Variants in MACROD2 observed in about 807,000 individuals in gnomAD.
MACROD2 encodes the protein ADP-ribose glycohydrolase MACROD2.
MACROD2 carries 36 observed loss-of-function variants against 70.4 expected under a neutral mutation model. The observed-to-expected ratio is 0.51, with a 90% CI of 0.39 to 0.68. The LOEUF is 0.68. Among genes scored for constraint, MACROD2 ranks in the 30% least tolerant of loss-of-function variants. MACROD2 has a pLI of 0.00. For missense variants in MACROD2, 496 were observed against 538.4 expected (o/e 0.92, Z 0.78); for synonymous variants, 172 against 178.8 (o/e 0.96, Z 0.30).
At chr20:15,527,636 C>G (rs139211465) in intron 8 of MACROD2, among the ~76,000 whole-genome samples, 214 of 152,258 alleles carry the variant, frequency 1.4e-3, no homozygotes, top group African/African-American at 4.8e-3. Context: ...ATCTGATCAT[C>G]AGTGTAAGGC....
chr20:15,987,082 A>G lies in MACROD2; in HGVS notation c.1077A>G (p.Gln359=). The change falls in exon 15 of 18, where the codon CAA becomes CAG. Residue 359 remains glutamine, a synonymous_variant. Coordinates refer to ENST00000684519, the MANE Select transcript of MACROD2 (RefSeq NM_001351661.2). ...YMETEELSSN[Q]EDAVIVEQPE... The stretch of plus-strand genomic sequence containing the variant: ...TCTATTTAGAACTTTCATCAAACCA[A>G]GAAGATGCCGTGATTGTGGAGCAAC... The G allele has an allele frequency of 6.2e-7, 1 of 1,609,548 alleles. No individual in the cohort carries two copies. Among genetic ancestry groups the G allele is most frequent in the South Asian group, 1.1e-5 (1 of 89,854 alleles).
At chr20:14,712,937 A>T (rs1488199327) in intron 5 of MACROD2, among the ~76,000 whole-genome samples, 1 of 152,110 alleles carries the variant, frequency 6.6e-6, no homozygotes, top group African/African-American at 2.4e-5. Flanking sequence ...GTGGGTATAT[A>T]TTTTTTTCAA....
intron 5 of MACROD2, among the ~76,000 whole-genome samples, chr20:14,742,779 T>A (rs148978043): frequency 0.014 from 2,085 of 151,654 alleles, 49 homozygotes; most frequent in African/African-American, 0.047. Flanking sequence ...TTTTATTTTT[T>A]TTTTTGAGAT....
At chr20:14,590,363 T>C (rs1461515513) in intron 4 of MACROD2, among the ~76,000 whole-genome samples, 1 of 152,128 alleles carries the variant, frequency 6.6e-6, no homozygotes, top group Non-Finnish European at 1.5e-5. Context: ...CTAGGTAAGG[T>C]GGTAGGCAGA....
intron 5 of MACROD2, among the ~76,000 whole-genome samples, chr20:14,845,872 G>A (rs541272797): frequency 6.6e-6 from 1 of 152,098 alleles, no homozygotes; most frequent in East Asian, 1.9e-4. Context: ...CCCCCAAACG[G>A]CATTTTTTAG....
intron 4 of MACROD2, among the ~76,000 whole-genome samples, chr20:14,573,573 A>G (rs1224592203): frequency 9.2e-6 from 1 of 108,758 alleles, no homozygotes; most frequent in African/African-American, 2.7e-5. Context: ...TAGAGAAAAG[A>G]TATTATTTTT....
intron 8 of MACROD2, among the ~76,000 whole-genome samples, chr20:15,807,282 C>T (rs1427446138): frequency 3.3e-5 from 5 of 152,046 alleles, no homozygotes; most frequent in Non-Finnish European, 7.4e-5. Flanking sequence ...ATTTTAGTGA[C>T]CAAAACATGG....
At chr20:15,655,565 C>T (rs2049717734) in intron 8 of MACROD2, among the ~76,000 whole-genome samples, 1 of 152,078 alleles carries the variant, frequency 6.6e-6, no homozygotes, top group South Asian at 2.1e-4. Flanking sequence ...TCACAGCCTG[C>T]CTTGCACTTT....
intron 5 of MACROD2, among the ~76,000 whole-genome samples, chr20:14,945,344 C>T (rs1330398457): frequency 6.6e-6 from 1 of 152,066 alleles, no homozygotes; most frequent in Non-Finnish European, 1.5e-5. Flanking sequence ...TCCCAAAGTG[C>T]TGCTGGGATT....
chr20:15,591,988 T>A (rs1450166144), intron 8 of MACROD2, among the ~76,000 whole-genome samples: 2 of 152,216 alleles, frequency 1.3e-5, no homozygotes, highest in Non-Finnish European at 2.9e-5. Flanking sequence ...TTATCAATTG[T>A]CACCTGTTGA....
intron 8 of MACROD2, among the ~76,000 whole-genome samples, chr20:15,800,388 T>A (rs907244429): frequency 6.6e-6 from 1 of 152,188 alleles, no homozygotes; most frequent in East Asian, 1.9e-4. Flanking sequence ...ATTTCCCCTA[T>A]GTTTTCTTCT....
chr20:15,555,399 A>G (rs536579076), intron 8 of MACROD2, among the ~76,000 whole-genome samples: 1 of 152,272 alleles, frequency 6.6e-6, no homozygotes, highest in South Asian at 2.1e-4. Context: ...TTACGGTTTT[A>G]TCAATACAGT....
chr20:14,868,350 G>A (rs1225415374), intron 5 of MACROD2, among the ~76,000 whole-genome samples: 2 of 151,788 alleles, frequency 1.3e-5, no homozygotes, highest in African/African-American at 4.8e-5. Context: ...ACCACACCTG[G>A]CTAATGTTTC....
chr20:15,290,351 T>C (rs1019903059), intron 6 of MACROD2, among the ~76,000 whole-genome samples: 1 of 152,202 alleles, frequency 6.6e-6, no homozygotes, highest in Non-Finnish European at 1.5e-5. Context: ...TTCTATATTC[T>C]GGCTTTTTTC....
intron 4 of MACROD2, among the ~76,000 whole-genome samples, chr20:14,500,709 C>T (rs2084906490): frequency 6.6e-6 from 1 of 152,196 alleles, no homozygotes; most frequent in Admixed American, 6.5e-5. Context: ...AACTAAACTT[C>T]AAAGTTATTC....
intron 6 of MACROD2, among the ~76,000 whole-genome samples, chr20:15,365,248 A>C (rs1255084067): frequency 6.6e-6 from 1 of 152,154 alleles, no homozygotes; most frequent in Non-Finnish European, 1.5e-5. Context: ...TATATTTCTG[A>C]ATATTGAAAG....
intron 8 of MACROD2, among the ~76,000 whole-genome samples, chr20:15,706,383 G>A (rs2050532527): frequency 6.6e-6 from 1 of 152,234 alleles, no homozygotes; most frequent in Admixed American, 6.5e-5. Flanking sequence ...GTGATGGGGT[G>A]AGGGACTACT....
At chr20:15,234,783 A>T (rs1323343751) in intron 6 of MACROD2, among the ~76,000 whole-genome samples, 1 of 152,180 alleles carries the variant, frequency 6.6e-6, no homozygotes, top group Admixed American at 6.5e-5. Flanking sequence ...AGAAAGAAAA[A>T]TTTCTATTGA....
At chr20:15,772,101 A>AATATATATATATATATATAT (rs201468504) in intron 8 of MACROD2, among the ~76,000 whole-genome samples, 2 of 91,426 alleles carry the variant, frequency 2.2e-5, no homozygotes, top group East Asian at 5.1e-4. Flanking sequence ...AAAAAAAAAA[A>AATATATATATATATATATAT]ATATATATAT....
Sources: allele counts gnomAD v4.1 joint callset (sites outside exome capture counted in the v4.1 genomes callset), GRCh38; gene constraint gnomAD v4.1.1; transcripts MANE v1.5; gene names NCBI Gene and HGNC (gene_info 2026-07-23, HGNC 2026-07-21).